DCLK1: variants seen among roughly 807,000 people sequenced by gnomAD.
The protein encoded by DCLK1 is doublecortin like kinase 1.
DCLK1 carries 16 observed loss-of-function variants against 86.2 expected under a neutral mutation model. The observed-to-expected ratio is 0.19, with a 90% CI of 0.13 to 0.28. The LOEUF (loss-of-function observed/expected upper bound fraction) is 0.28, where lower values mean the gene tolerates loss of function less well. Among genes scored for constraint, DCLK1 ranks in the 10% least tolerant of loss-of-function variants. The pLI, the probability that DCLK1 is intolerant of heterozygous loss-of-function variation, is 1.00. For synonymous variants in DCLK1, 369 were observed against 370.5 expected, an observed-to-expected ratio of 1.00 and a Z score of 0.05; for missense variants, 590 against 940.2, an observed-to-expected ratio of 0.63 and a Z score of 4.87.
chr13:35,984,318 A>C (rs941371514), intron 3 of DCLK1, among the ~76,000 whole-genome samples: 17 of 152,232 alleles, frequency 1.1e-4, no homozygotes, highest in African/African-American at 4.1e-4. Context: ...CTCTGTGAGA[A>C]CTTGACGAGG....
intron 10 of DCLK1, among the ~76,000 whole-genome samples, chr13:35,824,726 A>G (rs2087480327): frequency 6.6e-6 from 1 of 152,126 alleles, no homozygotes; most frequent in South Asian, 2.1e-4. Context: ...TCTCTCTTCA[A>G]GAAATCACCA....
intron 3 of DCLK1, among the ~76,000 whole-genome samples, chr13:35,974,849 G>C (rs917805305): frequency 6.6e-6 from 1 of 152,122 alleles, no homozygotes; most frequent in Non-Finnish European, 1.5e-5. Flanking sequence ...TCAGACTTCT[G>C]ACCTCTAGCC....
Position 35,921,243 on chromosome 13 carries a change from C to T in DCLK1, c.823+26115G>A, listed in dbSNP as rs532294768. Among the ~76,000 whole-genome samples, 43 of 152,168 alleles carry T rather than the reference C, an allele frequency of 2.8e-4. 2 individuals are homozygous for T. The South Asian group carries it at 3.1e-3, about 11-fold the overall frequency. On this transcript the variant is annotated intron_variant, in intron 4 of 16. Coordinates refer to ENST00000360631, the MANE Select transcript of DCLK1 (RefSeq NM_001330071.2). The stretch of plus-strand genomic sequence containing the variant: ...CCAACCCTGTTTCCTACCACTTTTT[C>T]TCTCCCTCCTTCTACTCTAGCCACC...
chr13:36,038,831 A>AAGGATACTGCAGATAAGGAAACTGAG (rs1882601179), intron 3 of DCLK1, among the ~76,000 whole-genome samples: 2 of 152,182 alleles, frequency 1.3e-5, no homozygotes, highest in Non-Finnish European at 2.9e-5. Context: ...TGAGGTGTAA[A>AAGGATACTGCAGATAAGGAAACTGAG]GTTAAGAATG....
At chr13:36,059,603 G>A (rs1347254570) in intron 3 of DCLK1, among the ~76,000 whole-genome samples, 1 of 152,154 alleles carries the variant, frequency 6.6e-6, no homozygotes, top group African/African-American at 2.4e-5. Flanking sequence ...ACTCTGGACC[G>A]TAGAGAGCTT....
chr13:35,914,021 A>G (rs943065048), intron 4 of DCLK1, among the ~76,000 whole-genome samples: 16 of 152,138 alleles, frequency 1.1e-4, no homozygotes, highest in African/African-American at 3.6e-4. Context: ...TTTAGGAAAT[A>G]AAAAGATATA....
chr13:36,047,619 A>G (rs1174484413), intron 3 of DCLK1, among the ~76,000 whole-genome samples: 1 of 152,340 alleles, frequency 6.6e-6, no homozygotes, highest in East Asian at 1.9e-4. Context: ...TCTCAGTTAC[A>G]TGTGGAATCT....
intron 7 of DCLK1, among the ~76,000 whole-genome samples, chr13:35,837,933 G>A (rs1443567472): frequency 6.6e-6 from 1 of 151,938 alleles, no homozygotes; most frequent in Admixed American, 6.6e-5. Context: ...GGGCATGGTG[G>A]CAGACGCCTG....
At chr13:35,893,305 G>C (rs554479495) in intron 4 of DCLK1, among the ~76,000 whole-genome samples, 3 of 152,124 alleles carry the variant, frequency 2.0e-5, no homozygotes, top group African/African-American at 7.2e-5. Context: ...TATCCCCTTG[G>C]CAAATATTTT....
rs376111080 is a variant in DCLK1 at position 36,126,014 on chromosome 13, A to G, written c.124T>C (p.Tyr42His). 6.2e-7 allele frequency: 1 copy of G among 1,614,092 alleles called. No homozygotes were observed. Among genetic ancestry groups the G allele is most frequent in the Non-Finnish European group, 8.5e-7 (1 of 1,180,018 alleles). Residue 42 changes from tyrosine to histidine, a missense_variant, in exon 2 of 17, where the codon TAC becomes CAC. Tyr to His is a moderately conservative substitution (Grantham distance 83). Around this residue, in one of 6 missense-constraint regions of DCLK1, gnomAD observed 195 missense variants for 365.1 expected, o/e 0.53. Transcript: ENST00000360631. Reference sequence around the variant, plus strand: ...AGCGTCTGCAGCGTGCGGGTGCGGTAGAAGCTGCAGTGGGCGCTGTGCGTC... The same window carrying G: ...AGCGTCTGCAGCGTGCGGGTGCGGTGGAAGCTGCAGTGGGCGCTGTGCGTC... ...SPTHSAHCSF[Y>H]RTRTLQTLSS... is the part of the protein sequence containing the mutation.
At chr13:35,802,704 A>T (rs2086946814) in intron 15 of DCLK1, among the ~76,000 whole-genome samples, 2 of 152,318 alleles carry the variant, frequency 1.3e-5, no homozygotes, top group South Asian at 4.1e-4. Flanking sequence ...CAAAGATAAA[A>T]TGCCTAAATA....
intron 2 of DCLK1, among the ~76,000 whole-genome samples, chr13:36,122,049 A>C (rs1242714879): frequency 6.6e-6 from 1 of 152,354 alleles, no homozygotes; most frequent in Admixed American, 6.5e-5. Context: ...CTATTCAAAA[A>C]TTAATTTTAA....
At chr13:35,909,963 C>T (rs1301434153) in intron 4 of DCLK1, among the ~76,000 whole-genome samples, 2 of 152,168 alleles carry the variant, frequency 1.3e-5, no homozygotes, top group East Asian at 3.9e-4. Flanking sequence ...CCTCTGTTCT[C>T]GCCCTGCCTC....
chr13:35,830,262 G>A (rs1593637558), intron 8 of DCLK1, among the ~76,000 whole-genome samples: 1 of 152,094 alleles, frequency 6.6e-6, no homozygotes, highest in South Asian at 2.1e-4. Context: ...ATGGTGTTGC[G>A]TGCCTGTAAT....
At chr13:35,847,043 A>G (rs1870229158) in intron 6 of DCLK1, 3 of 985,120 alleles carry the variant, frequency 3.0e-6, no homozygotes, top group Admixed American at 1.2e-4. Context: ...TTTTTAGAGT[A>G]TAGTGATTGG....
At chr13:35,850,141 C>A (rs1870501730) in intron 6 of DCLK1, 1 of 984,840 alleles carries the variant, frequency 1.0e-6, no homozygotes, top group African/African-American at 1.8e-5. Context: ...GATGTACTAA[C>A]CCACAAAACA....
At chr13:35,980,123 C>A (rs1879559540) in intron 3 of DCLK1, among the ~76,000 whole-genome samples, 1 of 152,162 alleles carries the variant, frequency 6.6e-6, no homozygotes, top group Non-Finnish European at 1.5e-5. Flanking sequence ...CTTCAAAATT[C>A]TTTTCATCTT....
intron 3 of DCLK1, among the ~76,000 whole-genome samples, chr13:36,015,256 C>T (rs9565788): frequency 6.6e-6 from 1 of 152,140 alleles, no homozygotes; most frequent in East Asian, 1.9e-4. Context: ...TGAAGCTTTC[C>T]TGTTTAGCTT....
intron 4 of DCLK1, among the ~76,000 whole-genome samples, chr13:35,903,532 C>T (rs536569896): frequency 1.3e-5 from 2 of 152,200 alleles, no homozygotes; most frequent in South Asian, 4.1e-4. Flanking sequence ...TATACAGATT[C>T]TATTTGGTCC....
Sources: allele counts gnomAD v4.1 joint callset (sites outside exome capture counted in the v4.1 genomes callset), GRCh38; gene constraint gnomAD v4.1.1; regional missense constraint gnomAD v4.1.1; transcripts MANE v1.5; gene names NCBI Gene and HGNC (gene_info 2026-07-23, HGNC 2026-07-21).